UTS2: variants seen among roughly 807,000 people sequenced by gnomAD.
UTS2 encodes urotensin 2.
In UTS2, 10 loss-of-function variants were observed where a neutral mutation model predicts 12.6. The ratio of observed to expected loss-of-function variants is 0.80; its 90% CI spans 0.49 to 1.35. The LOEUF (loss-of-function observed/expected upper bound fraction) is 1.35, where lower values mean the gene tolerates loss of function less well. Among genes scored for constraint, UTS2 ranks in the 40% most tolerant of loss-of-function variants. The pLI is 0.00. For synonymous variants in UTS2, 52 were observed against 50.0 expected (o/e 1.04, Z -0.17); for missense variants, 142 against 143.2 (o/e 0.99, Z 0.04).
intron 1 of UTS2, 79 bp downstream of exon 1, chr1:7,852,822 C>T (rs759487563): frequency 7.7e-5 from 114 of 1,473,276 alleles, no homozygotes; most frequent in Non-Finnish European, 1.0e-4. Context: ...GCAGGAATCC[C>T]ATTCTTATCT....
At chr1:7,892,469 G>GT in the UTS2 span, among the ~76,000 whole-genome samples, 17,525 of 77,792 alleles carry the variant, frequency 0.23, 3,344 homozygotes, top group Middle Eastern at 0.25. Flanking sequence ...CCTCATGCAT[G>GT]TTTTTTTTTT....
At chr1:7,885,704 A>G in the UTS2 span, among the ~76,000 whole-genome samples, 2 of 151,798 alleles carry the variant, frequency 1.3e-5, no homozygotes, top group East Asian at 1.9e-4. Context: ...GGGCGGGGCC[A>G]AGGAGTGGGC....
At chr1:7,900,170 G>A in the UTS2 span, among the ~76,000 whole-genome samples, 1 of 120,198 alleles carries the variant, frequency 8.3e-6, no homozygotes, top group Non-Finnish European at 1.5e-5. Context: ...GCCAAGGCAG[G>A]AGAGGATCAC....
upstream of UTS2, among the ~76,000 whole-genome samples, chr1:7,855,736 CTG>C (rs1295234588): frequency 2.0e-5 from 3 of 151,386 alleles, no homozygotes; most frequent in Non-Finnish European, 2.9e-5. Context: ...GGATCTCACT[CTG>C]TCACCCAGGC....
the UTS2 span, among the ~76,000 whole-genome samples, chr1:7,904,903 CAAAA>C: frequency 2.4e-4 from 14 of 58,266 alleles, no homozygotes; most frequent in African/African-American, 5.5e-4. Flanking sequence ...GACTCTGTCT[CAAAA>C]AAAAAAAAAA....
the UTS2 span, among the ~76,000 whole-genome samples, chr1:7,896,886 T>A: frequency 6.6e-6 from 1 of 151,964 alleles, no homozygotes; most frequent in African/African-American, 2.4e-5. Context: ...TTAGTAGAGA[T>A]GGGGTTTCAC....
the UTS2 span, among the ~76,000 whole-genome samples, chr1:7,890,794 G>A: frequency 1.8e-4 from 27 of 148,092 alleles, no homozygotes; most frequent in African/African-American, 6.3e-4. Flanking sequence ...TACTCGAGAG[G>A]CTGAGGTGGA....
the UTS2 span, among the ~76,000 whole-genome samples, chr1:7,882,240 T>C: frequency 6.6e-6 from 1 of 151,994 alleles, no homozygotes; most frequent in Non-Finnish European, 1.5e-5. Flanking sequence ...GAGGCTTAGG[T>C]GGAAGTATTG....
chr1:7,862,978 T>G, the UTS2 span, among the ~76,000 whole-genome samples: 1,293 of 52,084 alleles, frequency 0.025, 115 homozygotes, highest in Middle Eastern at 0.052. Flanking sequence ...CGGCCGTTAT[T>G]TATTGTGTTG....
chr1:7,874,935 C>T, the UTS2 span, among the ~76,000 whole-genome samples: 1 of 152,156 alleles, frequency 6.6e-6, no homozygotes, highest in Non-Finnish European at 1.5e-5. Context: ...CCTTGCTTCC[C>T]CTTTGCCTTC....
the UTS2 span, among the ~76,000 whole-genome samples, chr1:7,879,649 G>A: frequency 5.3e-5 from 8 of 152,282 alleles, no homozygotes; most frequent in African/African-American, 1.7e-4. Flanking sequence ...GCTTAGGCAT[G>A]AGAATTGCCT....
At chr1:7,891,536 A>AAAAGAAAAG in the UTS2 span, among the ~76,000 whole-genome samples, 3 of 109,820 alleles carry the variant, frequency 2.7e-5, no homozygotes, top group East Asian at 2.8e-4. Context: ...AGAAAGAAAG[A>AAAAGAAAAG]AAAGAAAGAA....
At chr1:7,882,005 G>A in the UTS2 span, among the ~76,000 whole-genome samples, 1 of 152,098 alleles carries the variant, frequency 6.6e-6, no homozygotes, top group African/African-American at 2.4e-5. Context: ...TTCAACAAAA[G>A]CACCAAGAAC....
At chr1:7,887,978 A>G in the UTS2 span, among the ~76,000 whole-genome samples, 2 of 152,154 alleles carry the variant, frequency 1.3e-5, no homozygotes, top group Non-Finnish European at 2.9e-5. Context: ...ACCAAAGTGC[A>G]TTTGTGAAAG....
At chr1:7,860,030 G>A in the UTS2 span, among the ~76,000 whole-genome samples, 1 of 152,014 alleles carries the variant, frequency 6.6e-6, no homozygotes, top group Non-Finnish European at 1.5e-5. Context: ...ATATAGCAAT[G>A]AGGAGACGAC....
the UTS2 span, among the ~76,000 whole-genome samples, chr1:7,860,795 A>C: frequency 5.3e-5 from 8 of 151,782 alleles, no homozygotes; most frequent in Non-Finnish European, 1.2e-4. Context: ...GTAATCCCAG[A>C]ACTTTGGGAG....
At chr1:7,912,935 A>G in the UTS2 span, among the ~76,000 whole-genome samples, 2 of 147,520 alleles carry the variant, frequency 1.4e-5, no homozygotes, top group Non-Finnish European at 3.0e-5. Flanking sequence ...TCCTTTTCTC[A>G]TTCCCCTGGT....
upstream of UTS2, among the ~76,000 whole-genome samples, chr1:7,856,633 C>T (rs1342289595): frequency 2.6e-5 from 1 of 38,514 alleles, no homozygotes; most frequent in Non-Finnish European, 6.1e-5. Flanking sequence ...CGCACACTGT[C>T]CTCTAAGATG....
the UTS2 span, among the ~76,000 whole-genome samples, chr1:7,887,658 C>T: frequency 2.0e-5 from 3 of 147,014 alleles, no homozygotes; most frequent in Non-Finnish European, 3.0e-5. Context: ...CCCAGCTACT[C>T]GGGAGGCTGA....
Sources: gnomAD v4.1 joint callset for allele counts (sites outside exome capture counted in the v4.1 genomes callset) on GRCh38, gnomAD v4.1.1 for gene constraint, MANE v1.5 for transcripts, NCBI Gene and HGNC (gene_info 2026-07-23, HGNC 2026-07-21) for gene names.